Variants in SALL3 observed in about 807,000 individuals in gnomAD.
The protein encoded by SALL3 is spalt like transcription factor 3.
In SALL3, 25 loss-of-function variants were observed where a neutral mutation model predicts 66.2. The ratio of observed to expected loss-of-function variants is 0.38; its 90% CI spans 0.28 to 0.53. The LOEUF (loss-of-function observed/expected upper bound fraction) is 0.53. SALL3 is among the 20% of genes least tolerant of loss of function. The probability of loss-of-function intolerance (pLI) is 0.85; values close to 1 mark genes in which losing one functional copy is unlikely to be tolerated. For synonymous variants in SALL3, 1,152 were observed against 899.1 expected (o/e 1.28, Z -5.03); for missense variants, 2,194 against 1,916.5 (o/e 1.14, Z -2.70).
rs188330810 is a variant in SALL3 at position 78,995,721 on chromosome 18, A to C, written c.3471+259A>C. 3.6e-3 allele frequency among the ~76,000 whole-genome samples: 538 copies of C among 151,540 alleles called. 1 individual carries two copies. The highest frequency in any genetic ancestry group is 4.6e-3 in the Non-Finnish European group (315 of 67,884). ...ATGGGTCGTGTGTGTGTGCATGTGT[A>C]GGTGCCCTATGTGTGGGTGTATGTA... On this transcript the variant is annotated intron_variant, in intron 2 of 2. Transcript: ENST00000537592.
chr18:78,996,974 A>G lies in SALL3; in HGVS notation c.3555A>G (p.Leu1185=), dbSNP rs770966440. The change falls in exon 3 of 3, where the codon CTA becomes CTG. Residue 1185 remains leucine (L), a synonymous_variant. Coordinates refer to ENST00000537592, the MANE Select transcript of SALL3 (RefSeq NM_171999.4). ...CTGTGGAGAACCCCATGGCTCTCCT[A>G]GGGGGTGATGCCCTGAAGTTCTCTG... is the stretch of plus-strand genomic sequence containing the variant. ...RLSVENPMAL[L]GGDALKFSEM... 6.2e-7 allele frequency: 1 copy of G among 1,613,876 alleles called. No homozygotes were observed. The highest frequency in any genetic ancestry group is 2.2e-5 in the East Asian group (1 of 44,880).
chr18:78,994,750 C>A lies in SALL3; in HGVS notation c.2759C>A (p.Pro920Gln), dbSNP rs781771204. 2 of 1,601,548 alleles carry A rather than the reference C, an allele frequency of 1.2e-6. No homozygotes were observed. The highest frequency in any genetic ancestry group is 1.7e-6 in the Non-Finnish European group (2 of 1,178,436). ...SNGESFRSKS[P>Q]GLGAPEEPQE... ...GGTGAGAGCTTCCGCTCCAAGTCCC[C>A]GGGCCTGGGCGCCCCGGAGGAGCCC... The change falls in exon 2 of 3, where the codon CCG becomes CAG. Residue 920 changes from proline (P) to glutamine (Q), a missense_variant. By Grantham distance (76) the Pro-to-Gln change is moderately conservative (BLOSUM62 -1). Coordinates refer to ENST00000537592, the MANE Select transcript of SALL3 (RefSeq NM_171999.4).
Position 78,994,038 on chromosome 18 carries a change from A to G in SALL3, c.2047A>G (p.Ile683Val), listed in dbSNP as rs1293063017. Residue 683 changes from isoleucine to valine, a missense_variant, in exon 2 of 3, where the codon ATC (isoleucine) becomes GTC (valine). Transcript: ENST00000537592. ...GATGACGGACCCGAACCAGTGCGTC[A>G]TCTGCCACCGGGTGCTGAGCTGCCA... The part of the protein sequence containing the change: ...KKMTDPNQCV[I>V]CHRVLSCQSA... The G allele has an allele frequency of 1.2e-6, 2 of 1,612,776 alleles. No individual in the cohort carries two copies. Among genetic ancestry groups the G allele is most frequent in the Admixed American group, 3.3e-5 (2 of 60,004 alleles).
At position 78,993,820 on chromosome 18, in the gene SALL3, A is replaced by G. The variant is rs777800499; in HGVS notation, c.1829A>G (p.Asp610Gly). Reference sequence around the variant, plus strand: ...CCCTGCACCAACGCCAGGGCCGGGGACGCTCCCGTGGGCGCGCAGGCTAGC... The same window carrying G: ...CCCTGCACCAACGCCAGGGCCGGGGGCGCTCCCGTGGGCGCGCAGGCTAGC... ...SLPCTNARAG[D>G]APVGAQASAA... Residue 610 changes from aspartate to glycine, a missense_variant, in exon 2 of 3, where the codon GAC becomes GGC. Transcript: ENST00000537592. 22 of 1,552,728 alleles carry G rather than the reference A, an allele frequency of 1.4e-5. No individual in the cohort carries two copies. The highest frequency in any genetic ancestry group is 1.8e-5 in the Non-Finnish European group (21 of 1,153,036).
At position 78,979,872 on chromosome 18, in the gene SALL3, G is replaced by C. The variant is rs1913923956; in HGVS notation, c.-403G>C. On this transcript the variant is annotated 5_prime_UTR_variant, in exon 1 of 3. Coordinates refer to ENST00000537592, the MANE Select transcript of SALL3 (RefSeq NM_171999.4). ...GTTTGCTGCCTGCGCCCTGCGGAGG[G>C]ACGGCCACCGCGGCCCGCGCCGCAC... is the stretch of plus-strand genomic sequence containing the variant. 6.9e-6 allele frequency among the ~76,000 whole-genome samples: 1 copy of C among 145,060 alleles called. No homozygotes were observed. The highest frequency in any genetic ancestry group is 2.5e-5 in the African/African-American group (1 of 40,596).
At chr18:78,983,290 T>G (rs2146207233) in intron 1 of SALL3, among the ~76,000 whole-genome samples, 1 of 152,328 alleles carries the variant, frequency 6.6e-6, no homozygotes, top group East Asian at 1.9e-4. Context: ...GCTGAATATT[T>G]TTGTTCTAAG....
Position 78,993,571 on chromosome 18 carries a change from G to T in SALL3, c.1580G>T (p.Gly527Val). The T allele has an allele frequency of 1.3e-6, 2 of 1,590,270 alleles. No homozygotes were observed. The highest frequency in any genetic ancestry group is 2.3e-5 in the East Asian group (1 of 43,914). The change falls in exon 2 of 3, where the codon GGG becomes GTG. Residue 527 changes from glycine (G) to valine (V), a missense_variant. Transcript: ENST00000537592. ...PVLPTVPTSV[G>V]LQLPPTVPGA... ...CTGCCCACCGTGCCCACGTCCGTGG[G>T]GCTGCAACTGCCGCCCACTGTCCCT...
chr18:78,991,191 TTTG>T (rs942497958), intron 1 of SALL3, among the ~76,000 whole-genome samples: 1 of 152,126 alleles, frequency 6.6e-6, no homozygotes, highest in Non-Finnish European at 1.5e-5. Context: ...TAATTTCTAG[TTTG>T]TTAACAAACC....
Position 78,992,193 on chromosome 18 carries a change from G to C in SALL3, c.202G>C (p.Glu68Gln), listed in dbSNP as rs764665970. The change falls in exon 2 of 3, where the codon GAG becomes CAG. Residue 68 changes from glutamate to glutamine, a missense_variant. Physicochemically the swap from Glu to Gln is conservative, Grantham distance 29 (BLOSUM62 2). Coordinates refer to ENST00000537592, the MANE Select transcript of SALL3 (RefSeq NM_171999.4). ...AEFFKWADFL[E>Q]HQRSCTKLPP... is the part of the protein sequence containing the mutation. The stretch of plus-strand genomic sequence containing the variant: ...GTTCTTCAAGTGGGCGGACTTCCTG[G>C]AGCACCAGCGGAGCTGCACCAAGCT... 9 of 1,610,166 alleles carry C rather than the reference G, an allele frequency of 5.6e-6. No homozygotes were observed. Among genetic ancestry groups the C allele is most frequent in the Middle Eastern group, 3.3e-4 (2 of 6,076 alleles).
At position 78,995,124 on chromosome 18, in the gene SALL3, C is replaced by G. The variant is rs767667654; in HGVS notation, c.3133C>G (p.Pro1045Ala). The change falls in exon 2 of 3, where the codon CCC becomes GCC. Residue 1045 changes from proline to alanine, a missense_variant. By Grantham distance (27) the Pro-to-Ala change is conservative. Coordinates refer to ENST00000537592, the MANE Select transcript of SALL3 (RefSeq NM_171999.4). ...ATTTGACCCCAACTTTGCTCTAGGT[C>G]CCAGCCAAAGCACTCCTAGCCTGAT... ...QLFDPNFALG[P>A]SQSTPSLISS... 6.2e-7 allele frequency: 1 copy of G among 1,613,830 alleles called. No individual in the cohort carries two copies. Among genetic ancestry groups the G allele is most frequent in the Admixed American group, 1.7e-5 (1 of 60,032 alleles).
rs1913964477 is a variant in SALL3, at chr18:78,980,221, CGGCCGCCCCGCT to C, written c.-52_-41del. ...CCAGGCCGCCCCGCGCCGTCCCCGC[CGGCCGCCCCGCT>C]GATGCCGCTGCCCCGCGCGGGGCCC... On this transcript the variant is annotated 5_prime_UTR_variant, in exon 1 of 3. Coordinates refer to ENST00000537592, the MANE Select transcript of SALL3 (RefSeq NM_171999.4). 11 of 934,872 alleles carry C rather than the reference CGGCCGCCCCGCT, an allele frequency of 1.2e-5. No homozygotes were observed. The highest frequency in any genetic ancestry group is 4.6e-5 in the South Asian group (1 of 21,748). 57.9% of individuals were successfully genotyped at this position (934,872 alleles called of 1,614,324 possible). A position where few individuals can be genotyped will look rare whatever the true frequency, so the allele number is the denominator to read the frequency against.
Position 78,980,156 on chromosome 18 carries a change from G to GCGCAGC in SALL3, c.-115_-110dup, listed in dbSNP as rs1488961242. ...AATTGCTCAGCCCCATGCGCGGCCC[G>GCGCAGC]CGCAGCCGCCGCCGCCCCGCGCCCC... On this transcript the variant is annotated 5_prime_UTR_variant, in exon 1 of 3. Transcript: ENST00000537592. 1 of 189,352 alleles carries GCGCAGC rather than the reference G, an allele frequency of 5.3e-6. No individual in the cohort carries two copies. Among genetic ancestry groups the GCGCAGC allele is most frequent in the East Asian group, 1.9e-4 (1 of 5,134 alleles). The allele number at this position is 189,352 out of a possible 1,614,324, so 11.7% of individuals were successfully genotyped here.
In SALL3 at chr18:78,992,596, T is replaced by C. The variant is rs767652822; in HGVS notation, c.605T>C (p.Val202Ala). 1 of 1,531,304 alleles carries C rather than the reference T, an allele frequency of 6.5e-7. No homozygotes were observed. Among genetic ancestry groups the C allele is most frequent in the South Asian group, 1.2e-5 (1 of 84,780 alleles). The allele number at this position is 1,531,304 out of a possible 1,614,324, so 94.9% of individuals were successfully genotyped here. ...GGTGGAGGCGTGGCAGCTGCAGCCG[T>C]GCCCCTGATCCTGGAACAGCTCATG... Reference protein sequence around the residue: ...GAGGGVAAAAVPLILEQLMAL... With the variant: ...GAGGGVAAAAAPLILEQLMAL... The change falls in exon 2 of 3, where the codon GTG becomes GCG. Residue 202 changes from valine to alanine, a missense_variant. Coordinates refer to ENST00000537592, the MANE Select transcript of SALL3 (RefSeq NM_171999.4).
At chr18:78,982,513 A>T (rs1914107115) in intron 1 of SALL3, among the ~76,000 whole-genome samples, 1 of 152,164 alleles carries the variant, frequency 6.6e-6, no homozygotes, top group African/African-American at 2.4e-5. Context: ...ATTTAATTAT[A>T]TTCGAAGCAG....
chr18:78,994,175 G>A lies in SALL3; in HGVS notation c.2184G>A (p.Val728=). The A allele has an allele frequency of 6.2e-7, 1 of 1,613,208 alleles. No individual in the cohort carries two copies. The change falls in exon 2 of 3, where the codon GTG becomes GTA. Residue 728 remains valine, a synonymous_variant. Coordinates refer to ENST00000537592, the MANE Select transcript of SALL3 (RefSeq NM_171999.4). The stretch of plus-strand genomic sequence containing the variant: ...GCAACCTCAAGACGCACTTCGGCGT[G>A]CACCGTGCAAAGCCGCCCCTGCGCG... The part of the protein sequence containing the change: ...TKGNLKTHFG[V]HRAKPPLRVQ...
In SALL3 at chr18:78,998,589, C is replaced by T. The variant is rs1325493578; in HGVS notation, c.*1267C>T. The T allele has an allele frequency of 6.6e-6, 1 of 152,236 alleles. No individual in the cohort carries two copies. Among genetic ancestry groups the T allele is most frequent in the Non-Finnish European group, 1.5e-5 (1 of 68,050 alleles). The allele number at this position is 152,236 out of a possible 1,614,324, so 9.4% of individuals were successfully genotyped here. A position where few individuals can be genotyped will look rare whatever the true frequency, so the allele number is the denominator to read the frequency against. ...CAAGCCAGGAAGGAACTAGGATAACCTTCTGCAGGTCTGATTTTCATGTAA... is the reference window on the plus strand; with the variant it reads ...CAAGCCAGGAAGGAACTAGGATAACTTTCTGCAGGTCTGATTTTCATGTAA... On this transcript the variant is annotated 3_prime_UTR_variant, in exon 3 of 3. Coordinates refer to ENST00000537592, the MANE Select transcript of SALL3 (RefSeq NM_171999.4).
Position 78,994,316 on chromosome 18 carries a change from C to T in SALL3, c.2325C>T (p.Phe775=), listed in dbSNP as rs1914596178. 1.9e-6 allele frequency: 3 copies of T among 1,613,662 alleles called. No individual in the cohort carries two copies. The highest frequency in any genetic ancestry group is 2.5e-6 in the Non-Finnish European group (3 of 1,180,024). Residue 775 remains phenylalanine (F), a synonymous_variant, in exon 2 of 3, where the codon TTC becomes TTT. Transcript: ENST00000537592. ...QIPNTPLPEG[F]QDAMDSELAY... Reference sequence around the variant, plus strand: ...CCAACACGCCGCTGCCGGAGGGCTTCCAGGATGCCATGGACTCCGAGCTGG... The same window carrying T: ...CCAACACGCCGCTGCCGGAGGGCTTTCAGGATGCCATGGACTCCGAGCTGG...
Position 78,992,952 on chromosome 18 carries a change from G to A in SALL3, c.961G>A (p.Ala321Thr), listed in dbSNP as rs932263853. Residue 321 changes from alanine to threonine, a missense_variant, in exon 2 of 3, where the codon GCT becomes ACT. Transcript: ENST00000537592. The part of the protein sequence containing the change: ...PAAPSAAPAP[A>T]APAPAPAPQS... ...CGCCCCCAGCGCCGCCCCTGCCCCC[G>A]CTGCCCCCGCCCCGGCGCCAGCGCC... 3.7e-5 allele frequency: 42 copies of A among 1,131,458 alleles called. No individual in the cohort carries two copies. Among genetic ancestry groups the A allele is most frequent in the East Asian group, 4.6e-5 (1 of 21,726 alleles). 70.1% of individuals were successfully genotyped at this position (1,131,458 alleles called of 1,614,324 possible). A position where few individuals can be genotyped will look rare whatever the true frequency, so the allele number is the denominator to read the frequency against.
At position 78,994,715 on chromosome 18, in the gene SALL3, C is replaced by G; in HGVS notation, c.2724C>G (p.Ala908=). ...CGTCCTCGCAGGCCCTGTCGCCGGC[C>G]CCCAGCAATGGTGAGAGCTTCCGCT... The part of the protein sequence containing the change: ...ESSSSQALSP[A]PSNGESFRSK... Residue 908 remains alanine, a synonymous_variant, in exon 2 of 3, where the codon GCC becomes GCG. Transcript: ENST00000537592. The G allele has an allele frequency of 1.2e-6, 2 of 1,604,426 alleles. No homozygotes were observed.
Sources: gnomAD v4.1 joint callset for allele counts (sites outside exome capture counted in the v4.1 genomes callset) on GRCh38, gnomAD v4.1.1 for gene constraint, MANE v1.5 for transcripts, NCBI Gene and HGNC (gene_info 2026-07-23, HGNC 2026-07-21) for gene names.